GRIK3: variants seen among roughly 807,000 people sequenced by gnomAD.
The protein encoded by GRIK3 is glutamate receptor ionotropic, kainate 3.
Under a neutral mutation model 102.5 loss-of-function variants are expected in GRIK3, and 29 were observed. The ratio of observed to expected loss-of-function variants is 0.28; its 90% CI spans 0.21 to 0.39. GRIK3 has a LOEUF of 0.39. Ranked by LOEUF, GRIK3 falls within the 10% of genes least tolerant of loss-of-function variation. GRIK3 has a pLI of 1.00. For missense variants in GRIK3, 908 were observed against 1,252.4 expected, an observed-to-expected ratio of 0.73 and a Z score of 4.15; for synonymous variants, 511 against 504.9, an observed-to-expected ratio of 1.01 and a Z score of -0.16.
intron 9 of GRIK3, among the ~76,000 whole-genome samples, chr1:36,848,440 T>C (rs181576482): frequency 5.1e-4 from 77 of 152,318 alleles, no homozygotes; most frequent in African/African-American, 1.8e-3. Flanking sequence ...TTTTAGCACC[T>C]TTTTATTATT....
At chr1:37,020,636 GA>G (rs922167526) in intron 1 of GRIK3, among the ~76,000 whole-genome samples, 51 of 146,184 alleles carry the variant, frequency 3.5e-4, no homozygotes, top group Admixed American at 1.2e-3. Flanking sequence ...ATGTGGAAAG[GA>G]AAAAAAAAAG....
At chr1:36,972,120 C>T (rs1557447098) in intron 1 of GRIK3, among the ~76,000 whole-genome samples, 6 of 152,224 alleles carry the variant, frequency 3.9e-5, no homozygotes, top group South Asian at 4.1e-4. Flanking sequence ...AGGCCACACG[C>T]GGAGGCTCCT....
rs1264324040 is a variant in GRIK3, at chr1:37,034,250, C to G, written c.-142G>C. On this transcript the variant is annotated 5_prime_UTR_variant, in exon 1 of 16. Coordinates refer to ENST00000373091, the MANE Select transcript of GRIK3 (RefSeq NM_000831.4). ...CCCGAGCGCCGCTGCAAGTGGGGGG[C>G]GCCCCGCGGCGCCGCGCACATCTTA... The G allele has an allele frequency of 1.9e-5, 3 of 155,290 alleles. No individual in the cohort carries two copies. Among genetic ancestry groups the G allele is most frequent in the African/African-American group, 7.3e-5 (3 of 41,038 alleles). 9.6% of individuals were successfully genotyped at this position (155,290 alleles called of 1,614,324 possible).
intron 9 of GRIK3, among the ~76,000 whole-genome samples, chr1:36,846,207 G>A (rs1570757122): frequency 6.6e-6 from 1 of 152,134 alleles, no homozygotes; most frequent in African/African-American, 2.4e-5. Flanking sequence ...AGAGGGCGGG[G>A]GAGGGCAGGC....
chr1:36,879,052 C>G (rs1273112764), intron 3 of GRIK3, among the ~76,000 whole-genome samples: 2 of 152,100 alleles, frequency 1.3e-5, no homozygotes, highest in African/African-American at 4.8e-5. Flanking sequence ...TCTTCTCTCC[C>G]TTTTCCCTTT....
rs144217915 is a variant in GRIK3 at position 36,843,986 on chromosome 1, C to T, written c.1327-2047G>A. ...AGGGTGGGATGGGCAGTGGAAGACC[C>T]GGTGAAGACCTTTGTCAGAGGTCCT... On this transcript the variant is annotated intron_variant, in intron 9 of 15. Transcript: ENST00000373091. 1.6e-3 allele frequency among the ~76,000 whole-genome samples: 250 copies of T among 152,352 alleles called. 1 individual carries two copies. Among genetic ancestry groups the T allele is most frequent in the Admixed American group, 4.1e-3 (62 of 15,306 alleles).
intron 1 of GRIK3, among the ~76,000 whole-genome samples, chr1:36,971,255 C>T (rs979684219): frequency 6.6e-6 from 1 of 152,184 alleles, no homozygotes; most frequent in African/African-American, 2.4e-5. Context: ...CCAGGATAGC[C>T]ACATGACCAA....
At chr1:36,844,851 G>A (rs368534014) in intron 9 of GRIK3, among the ~76,000 whole-genome samples, 7 of 152,254 alleles carry the variant, frequency 4.6e-5, no homozygotes, top group African/African-American at 1.7e-4. Context: ...TGCATCAAAG[G>A]TTAAAACTCA....
chr1:36,911,902 G>C (rs1351220095), intron 1 of GRIK3, among the ~76,000 whole-genome samples: 1 of 152,042 alleles, frequency 6.6e-6, no homozygotes, highest in Non-Finnish European at 1.5e-5. Flanking sequence ...ACACTGGCGG[G>C]GCTGTCCCAC....
chr1:37,023,972 G>T (rs574899746), intron 1 of GRIK3, among the ~76,000 whole-genome samples: 2 of 152,322 alleles, frequency 1.3e-5, no homozygotes, highest in South Asian at 2.1e-4. Context: ...CTGCCTTTAG[G>T]CTCAAAATAT....
chr1:36,836,705 C>A (rs1205471467), intron 10 of GRIK3, among the ~76,000 whole-genome samples: 1 of 152,168 alleles, frequency 6.6e-6, no homozygotes, highest in Non-Finnish European at 1.5e-5. Context: ...TCTGGCCATC[C>A]ATACTGCAGT....
chr1:36,847,603 A>G (rs143922389), intron 9 of GRIK3, among the ~76,000 whole-genome samples: 2 of 152,172 alleles, frequency 1.3e-5, no homozygotes, highest in African/African-American at 4.8e-5. Flanking sequence ...AATGAATAAC[A>G]ATAGCAGCTG....
At chr1:36,807,374 G>C (rs1340024452) in intron 13 of GRIK3, among the ~76,000 whole-genome samples, 1 of 152,164 alleles carries the variant, frequency 6.6e-6, no homozygotes, top group African/African-American at 2.4e-5. Flanking sequence ...GCAGGGATCA[G>C]CCCTGTCCTG....
At chr1:36,855,437 G>T (rs1243590310) in intron 7 of GRIK3, among the ~76,000 whole-genome samples, 1 of 152,198 alleles carries the variant, frequency 6.6e-6, no homozygotes, top group African/African-American at 2.4e-5. Flanking sequence ...CAAGCACATG[G>T]GCAGCTCCAA....
intron 2 of GRIK3, among the ~76,000 whole-genome samples, chr1:36,882,314 CAGCAGATGCTT>C (rs1193111532): frequency 6.6e-6 from 1 of 152,160 alleles, no homozygotes; most frequent in Non-Finnish European, 1.5e-5. Flanking sequence ...GCAGGTGAGG[CAGCAGATGCTT>C]TCCACCGGCC....
chr1:36,821,042 A>G (rs1642690891), intron 11 of GRIK3, among the ~76,000 whole-genome samples: 2 of 152,208 alleles, frequency 1.3e-5, no homozygotes, highest in African/African-American at 2.4e-5. Context: ...ATCTGGAAGG[A>G]GAGACAAGTC....
At position 36,890,914 on chromosome 1, in the gene GRIK3, A is replaced by G; in HGVS notation, c.292+6T>C. The G allele has an allele frequency of 1.2e-6, 2 of 1,605,162 alleles. No homozygotes were observed. The highest frequency in any genetic ancestry group is 1.7e-6 in the Non-Finnish European group (2 of 1,174,430). On this transcript the variant is annotated splice_donor_region_variant and intron_variant, in intron 2 of 15. Transcript: ENST00000373091. ...AAGAGAACAGAGGCAGGAGCTGCAC[A>G]CTCACCCTTTTTGGTCGCCTCGAAG...
At chr1:36,971,979 C>T (rs116678874) in intron 1 of GRIK3, among the ~76,000 whole-genome samples, 240 of 152,282 alleles carry the variant, frequency 1.6e-3, no homozygotes, top group African/African-American at 5.2e-3. Context: ...CAGGGCCTGG[C>T]ACCATCTGTT....
chr1:37,018,437 C>T (rs114927007), intron 1 of GRIK3, among the ~76,000 whole-genome samples: 3,757 of 152,272 alleles, frequency 0.025, 149 homozygotes, highest in African/African-American at 0.086. Flanking sequence ...TACACCGCAA[C>T]CCTTAGAGAT....
Sources: allele counts gnomAD v4.1 joint callset (sites outside exome capture counted in the v4.1 genomes callset), GRCh38; gene constraint gnomAD v4.1.1; transcripts MANE v1.5; gene names NCBI Gene and HGNC (gene_info 2026-07-23, HGNC 2026-07-21).